Variants in GPR149 observed in about 807,000 individuals in gnomAD.
The protein encoded by GPR149 is G protein-coupled receptor 149.
In GPR149, 50 loss-of-function variants were observed where a neutral mutation model predicts 50.2. That is an observed-to-expected ratio of 1.00 (90% CI 0.79 to 1.26). GPR149 has a LOEUF of 1.26. Among genes scored for constraint, GPR149 ranks in the 50% most tolerant of loss-of-function variants. The pLI, the probability that GPR149 is intolerant of heterozygous loss-of-function variation, is 0.00. For missense variants in GPR149, 983 were observed against 895.4 expected (o/e 1.10, Z -1.25); for synonymous variants, 405 against 358.2 (o/e 1.13, Z -1.48).
intron 3 of GPR149, among the ~76,000 whole-genome samples, chr3:154,364,512 G>C (rs893885092): frequency 6.6e-6 from 1 of 152,172 alleles, no homozygotes; most frequent in South Asian, 2.1e-4. Flanking sequence ...TTACTCTCTA[G>C]CTATGAGCCT....
In GPR149 at chr3:154,379,399, CTTAT is replaced by C. The variant is rs549052024; in HGVS notation, c.1624-41132_1624-41129del. ...TACTTTCTTTTATAAATTAAATGTA[CTTAT>C]TTATTTATTTACTTTGATGTTAAAC... On this transcript the variant is annotated intron_variant, in intron 3 of 3. Transcript: ENST00000389740. Among the ~76,000 whole-genome samples, 302 of 151,478 alleles carry C rather than the reference CTTAT, an allele frequency of 2.0e-3. 1 individual carries two copies. Among genetic ancestry groups the C allele is most frequent in the African/African-American group, 6.6e-3 (273 of 41,334 alleles).
chr3:154,337,623 C>A lies in GPR149; in HGVS notation c.*76G>T. ...TGTAAGCCAACAAATAAAAGGAAAT[C>A]AGTCTCATAACAAAGGTGTTAGTTT... On this transcript the variant is annotated 3_prime_UTR_variant, in exon 4 of 4. Transcript: ENST00000389740. The A allele has an allele frequency of 2.7e-6, 3 of 1,114,958 alleles. No individual in the cohort carries two copies. Among genetic ancestry groups the A allele is most frequent in the East Asian group, 2.4e-5 (1 of 41,914 alleles). The allele number at this position is 1,114,958 out of a possible 1,614,324, so 69.1% of individuals were successfully genotyped here. A position where few individuals can be genotyped will look rare whatever the true frequency, so the allele number is the denominator to read the frequency against.
chr3:154,407,969 T>C (rs1455973660), intron 3 of GPR149, among the ~76,000 whole-genome samples: 1 of 152,068 alleles, frequency 6.6e-6, no homozygotes, highest in Non-Finnish European at 1.5e-5. Flanking sequence ...GTTGGATAGA[T>C]AGAGATACCA....
chr3:154,363,646 C>T (rs948991923), intron 3 of GPR149, among the ~76,000 whole-genome samples: 6 of 152,120 alleles, frequency 3.9e-5, no homozygotes, highest in African/African-American at 1.4e-4. Flanking sequence ...CAGTCTAAAA[C>T]CTGAAAACCA....
intron 3 of GPR149, among the ~76,000 whole-genome samples, chr3:154,405,153 AAT>A (rs772200964): frequency 6.6e-6 from 1 of 152,224 alleles, no homozygotes; most frequent in Non-Finnish European, 1.5e-5. Flanking sequence ...ATAATGATAA[AAT>A]AAATTTAAAC....
chr3:154,405,650 A>G lies in GPR149; in HGVS notation c.1623+15389T>C, dbSNP rs537767924. Reference sequence around the variant, plus strand: ...GATCCAAGTAGATATAGAAATGTATAAGATAAAGACGATAACTCACTGTGG... The same window carrying G: ...GATCCAAGTAGATATAGAAATGTATGAGATAAAGACGATAACTCACTGTGG... On this transcript the variant is annotated intron_variant, in intron 3 of 3. Transcript: ENST00000389740. Among the ~76,000 whole-genome samples, 379 of 151,414 alleles carry G rather than the reference A, an allele frequency of 2.5e-3. 3 individuals are homozygous for G. The highest frequency in any genetic ancestry group is 8.4e-3 in the African/African-American group (348 of 41,342).
chr3:154,368,232 A>G (rs1273761862), intron 3 of GPR149, among the ~76,000 whole-genome samples: 7 of 152,180 alleles, frequency 4.6e-5, no homozygotes, highest in East Asian at 1.9e-4. Flanking sequence ...CTGGGTCCCA[A>G]TGTCCACTGG....
intron 3 of GPR149, among the ~76,000 whole-genome samples, chr3:154,379,924 GAT>G (rs1714876336): frequency 6.6e-6 from 1 of 151,226 alleles, no homozygotes; most frequent in East Asian, 2.0e-4. Flanking sequence ...TAAATTTGGG[GAT>G]ATATATGTGT....
At chr3:154,392,408 A>C (rs1459032585) in intron 3 of GPR149, among the ~76,000 whole-genome samples, 1 of 151,746 alleles carries the variant, frequency 6.6e-6, no homozygotes, top group Non-Finnish European at 1.5e-5. Context: ...AAACCCCAAC[A>C]TACCTGAACT....
intron 3 of GPR149, 115 bp downstream of exon 3, chr3:154,420,924 C>T: frequency 1.4e-6 from 1 of 711,980 alleles, no homozygotes. Context: ...TTAATTGAGG[C>T]AAGTGAAGTT....
At chr3:154,344,975 A>T (rs565046733) in intron 3 of GPR149, among the ~76,000 whole-genome samples, 1 of 152,380 alleles carries the variant, frequency 6.6e-6, no homozygotes, top group South Asian at 2.1e-4. Flanking sequence ...AAAGTCCTGC[A>T]ACAGACCATC....
At chr3:154,373,509 G>A (rs1036489311) in intron 3 of GPR149, among the ~76,000 whole-genome samples, 1 of 152,186 alleles carries the variant, frequency 6.6e-6, no homozygotes, top group Non-Finnish European at 1.5e-5. Flanking sequence ...TAATTAAATA[G>A]CCTGTGTTTT....
At chr3:154,428,519 A>T in intron 1 of GPR149, 116 bp downstream of exon 1, 5 of 1,161,810 alleles carry the variant, frequency 4.3e-6, no homozygotes, top group Non-Finnish European at 4.9e-6. Flanking sequence ...ATACACTTGG[A>T]AGCGGACTTC....
intron 3 of GPR149, among the ~76,000 whole-genome samples, chr3:154,375,174 A>G (rs1427864572): frequency 6.6e-6 from 1 of 152,172 alleles, no homozygotes; most frequent in African/African-American, 2.4e-5. Context: ...GTCAATATCC[A>G]ATTTTATTTG....
In GPR149 at chr3:154,339,645, G is replaced by A. The variant is rs763874287; in HGVS notation, c.1624-1374C>T. Among the ~76,000 whole-genome samples, 3 of 152,106 alleles carry A rather than the reference G, an allele frequency of 2.0e-5. No individual in the cohort carries two copies. The East Asian group carries it at 5.8e-4, about 29-fold the overall frequency. On this transcript the variant is annotated intron_variant, in intron 3 of 3. Coordinates refer to ENST00000389740, the MANE Select transcript of GPR149 (RefSeq NM_001038705.3). ...AGATTGATCACCCTACTTGCTATGG[G>A]CATTTTCAATCTGGACCCAACAGTG...
intron 3 of GPR149, chr3:154,352,892 T>A (rs1292872615): frequency 7.9e-6 from 7 of 889,746 alleles, no homozygotes; most frequent in Non-Finnish European, 9.6e-6. Flanking sequence ...CCTGTCCAGC[T>A]CTACCTGTGC....
chr3:154,338,181 TAGAA>T lies in GPR149; in HGVS notation c.1710_1713del (p.Ser571ProfsTer4). The T allele has an allele frequency of 6.2e-7, 1 of 1,614,016 alleles. No individual in the cohort carries two copies. Among genetic ancestry groups the T allele is most frequent in the Non-Finnish European group, 8.5e-7 (1 of 1,179,964 alleles). ...TGCCCTTCTGCGCTTACCTCATAGG[TAGAA>T]AGAGATAGGGTTTTCCCTGTAGGTG... On this transcript the variant is annotated frameshift_variant, in exon 4 of 4. Transcript: ENST00000389740. LOFTEE classifies it high-confidence loss of function.
At chr3:154,352,220 G>A (rs547538203) in intron 3 of GPR149, 24 of 894,892 alleles carry the variant, frequency 2.7e-5, no homozygotes, top group South Asian at 3.5e-5. Context: ...GACTTCCTGA[G>A]TGACTCCCTT....
At chr3:154,370,034 G>A (rs1449693741) in intron 3 of GPR149, among the ~76,000 whole-genome samples, 2 of 152,098 alleles carry the variant, frequency 1.3e-5, no homozygotes, top group Admixed American at 6.5e-5. Context: ...ATTTTAGAAG[G>A]GTTGAGGAAG....
Sources: gnomAD v4.1 joint callset for allele counts (sites outside exome capture counted in the v4.1 genomes callset) on GRCh38, gnomAD v4.1.1 for gene constraint, MANE v1.5 for transcripts, NCBI Gene and HGNC (gene_info 2026-07-23, HGNC 2026-07-21) for gene names.